ADAM10: variants seen among roughly 807,000 people sequenced by gnomAD.
The protein encoded by ADAM10 is ADAM metallopeptidase domain 10, also known as disintegrin and metalloproteinase domain-containing protein 10.
A neutral mutation model predicts 90.1 loss-of-function variants in ADAM10; 17 were observed. That is an observed-to-expected ratio of 0.19 (90% CI 0.13 to 0.28). ADAM10 has a LOEUF of 0.28. ADAM10 is among the 10% of genes least tolerant of loss of function. The pLI is 1.00. For synonymous variants in ADAM10, 310 were observed against 298.6 expected, an observed-to-expected ratio of 1.04 and a Z score of -0.40; for missense variants, 610 against 914.3, an observed-to-expected ratio of 0.67 and a Z score of 4.29.
chr15:58,665,027 T>C, intron 5 of ADAM10, 70 bp downstream of exon 5: 1 of 1,197,924 alleles, frequency 8.3e-7, no homozygotes, highest in Non-Finnish European at 1.2e-6. Flanking sequence ...GAACATATAT[T>C]TTAAATGTAG....
chr15:58,600,476 T>C (rs4775083), intron 14 of ADAM10, among the ~76,000 whole-genome samples: 66,157 of 151,870 alleles, frequency 0.44, 15,469 homozygotes, highest in East Asian at 0.94. Flanking sequence ...TTATATACAT[T>C]AGTTTTCATT....
At position 58,655,669 on chromosome 15, in the gene ADAM10, CATACATACATAT is replaced by C. The variant is rs1483676634; in HGVS notation, c.585+9416_585+9427del. Among the ~76,000 whole-genome samples, 5 of 110,742 alleles carry C rather than the reference CATACATACATAT, an allele frequency of 4.5e-5. No homozygotes were observed. The East Asian group carries it at 1.2e-3, about 26-fold the overall frequency. The allele number at this position is 110,742 out of a possible 152,430, so 72.7% of individuals were successfully genotyped here. ...ATCCCTTTGCATACATACATACATA[CATACATACATAT>C]ATATATTATATATAGTATATATATA... On this transcript the variant is annotated intron_variant, in intron 5 of 15. Coordinates refer to ENST00000260408, the MANE Select transcript of ADAM10 (RefSeq NM_001110.4).
chr15:58,732,302 C>G (rs955327088), intron 1 of ADAM10: 11 of 152,254 alleles, frequency 7.2e-5, no homozygotes, highest in African/African-American at 2.7e-4. Context: ...ACAACTCCTA[C>G]TTTACAGTAC....
intron 2 of ADAM10, among the ~76,000 whole-genome samples, chr15:58,714,940 A>T (rs1567009099): frequency 6.6e-6 from 1 of 152,152 alleles, no homozygotes; most frequent in Non-Finnish European, 1.5e-5. Context: ...GAACAAGATC[A>T]TCAGCCCTTT....
chr15:58,700,508 A>C (rs1409459751), intron 2 of ADAM10, among the ~76,000 whole-genome samples: 1 of 152,156 alleles, frequency 6.6e-6, no homozygotes, highest in African/African-American at 2.4e-5. Flanking sequence ...TTAAGGAAGA[A>C]ATCAAAAAAC....
intron 10 of ADAM10, among the ~76,000 whole-genome samples, chr15:58,626,915 C>T (rs74620022): frequency 0.014 from 2,191 of 152,094 alleles, 23 homozygotes; most frequent in South Asian, 0.022. Flanking sequence ...AACATTGTAC[C>T]TATAATTAAT....
chr15:58,640,609 C>T (rs1896392565), intron 8 of ADAM10, among the ~76,000 whole-genome samples, 168 bp downstream of exon 8: 1 of 152,152 alleles, frequency 6.6e-6, no homozygotes, highest in African/African-American at 2.4e-5. Context: ...GCTCCTTCAT[C>T]TATTGTGGCT....
intron 2 of ADAM10, among the ~76,000 whole-genome samples, chr15:58,690,081 C>T (rs1344584615): frequency 6.6e-6 from 1 of 151,962 alleles, no homozygotes; most frequent in Admixed American, 6.6e-5. Flanking sequence ...TAATAAGAGG[C>T]TGGCTTAACA....
intron 1 of ADAM10, among the ~76,000 whole-genome samples, chr15:58,726,566 CCAAAAAAA>C (rs1472314036): frequency 2.0e-4 from 2 of 9,814 alleles, no homozygotes; most frequent in African/African-American, 5.0e-4. Flanking sequence ...CCTCAGTCTC[CCAAAAAAA>C]AAAAAAAAAA....
chr15:58,686,492 G>A, intron 2 of ADAM10: 1 of 1,421,228 alleles, frequency 7.0e-7, no homozygotes, highest in Non-Finnish European at 9.8e-7. Flanking sequence ...GAGGATCAAT[G>A]TCTCTCAGGC....
At chr15:58,597,903 T>C (rs528660227) in intron 15 of ADAM10, among the ~76,000 whole-genome samples, 51 of 152,250 alleles carry the variant, frequency 3.3e-4, no homozygotes, top group Admixed American at 8.5e-4. Flanking sequence ...CAAAAATTAC[T>C]AACAAAATAT....
intron 1 of ADAM10, among the ~76,000 whole-genome samples, chr15:58,721,354 T>C (rs1002169023): frequency 1.3e-5 from 2 of 152,238 alleles, no homozygotes; most frequent in African/African-American, 4.8e-5. Context: ...CATCTCATTA[T>C]CATCTTCTAT....
intron 14 of ADAM10, chr15:58,609,339 A>T (rs1276868237): frequency 6.6e-6 from 1 of 152,186 alleles, no homozygotes; most frequent in Non-Finnish European, 1.5e-5. Flanking sequence ...TGATCATTAC[A>T]TATCTAAAAA....
At chr15:58,608,205 T>C (rs1046373887) in intron 14 of ADAM10, among the ~76,000 whole-genome samples, 2 of 152,144 alleles carry the variant, frequency 1.3e-5, no homozygotes, top group Non-Finnish European at 2.9e-5. Flanking sequence ...TACTCTACCC[T>C]GCATGAGGAG....
chr15:58,640,161 G>C (rs1896377466), intron 8 of ADAM10, among the ~76,000 whole-genome samples: 1 of 152,196 alleles, frequency 6.6e-6, no homozygotes, highest in South Asian at 2.1e-4. Flanking sequence ...AATGACAATA[G>C]CTTTCATGGC....
At chr15:58,746,933 A>G (rs543208071) in intron 1 of ADAM10, among the ~76,000 whole-genome samples, 1 of 152,336 alleles carries the variant, frequency 6.6e-6, no homozygotes, top group Non-Finnish European at 1.5e-5. Flanking sequence ...AGAAAGTTTA[A>G]CTGCTTAAGC....
chr15:58,614,277 C>T (rs2141001481), intron 11 of ADAM10, among the ~76,000 whole-genome samples: 1 of 150,296 alleles, frequency 6.7e-6, no homozygotes, highest in East Asian at 2.0e-4. Context: ...GAAGTTAAGA[C>T]TCTGTCTCAA....
intron 8 of ADAM10, among the ~76,000 whole-genome samples, chr15:58,638,678 C>CT (rs1227448363): frequency 5.3e-5 from 8 of 151,234 alleles, no homozygotes; most frequent in Non-Finnish European, 1.2e-4. Flanking sequence ...ATCCAGAACT[C>CT]TCCCCACCTC....
At chr15:58,716,712 C>G (rs575400647) in intron 2 of ADAM10, among the ~76,000 whole-genome samples, 8 of 152,154 alleles carry the variant, frequency 5.3e-5, no homozygotes, top group Non-Finnish European at 7.3e-5. Context: ...CATCTCATAG[C>G]AGTAGAATAG....
Sources: gnomAD v4.1 joint callset for allele counts (sites outside exome capture counted in the v4.1 genomes callset) on GRCh38, gnomAD v4.1.1 for gene constraint, MANE v1.5 for transcripts, NCBI Gene and HGNC (gene_info 2026-07-23, HGNC 2026-07-21) for gene names.